The following AIPL1 variants were observed in gnomAD, a reference collection of about 807,000 sequenced individuals.
AIPL1 encodes aryl-hydrocarbon-interacting protein-like 1.
AIPL1 carries 23 observed loss-of-function variants against 32.9 expected under a neutral mutation model. The observed-to-expected ratio is 0.70, with a 90% CI of 0.50 to 0.99. The LOEUF (loss-of-function observed/expected upper bound fraction) is 0.99. AIPL1 is among the 50% of genes least tolerant of loss of function. The pLI is 0.00. For synonymous variants in AIPL1, 210 were observed against 209.4 expected, an observed-to-expected ratio of 1.00 and a Z score of -0.02; for missense variants, 485 against 506.0, an observed-to-expected ratio of 0.96 and a Z score of 0.40.
At position 6,426,599 on chromosome 17, in the gene AIPL1, C is replaced by A; in HGVS notation, c.784+16G>T. The A allele has an allele frequency of 6.2e-7, 1 of 1,612,406 alleles. No individual in the cohort carries two copies. On this transcript the variant is annotated intron_variant, in intron 5 of 5. Coordinates refer to ENST00000381129, the MANE Select transcript of AIPL1 (RefSeq NM_014336.5). ...CTGGGCGCCCCCTCACTGTCCGCCC[C>A]TGCAGCCCCGCGCACCTGGGTGGTG...
At chr17:6,433,607 T>A (rs1912829342) in intron 2 of AIPL1, among the ~76,000 whole-genome samples, 1 of 128,816 alleles carries the variant, frequency 7.8e-6, no homozygotes, top group Non-Finnish European at 1.6e-5. Flanking sequence ...TCTCTCTCTC[T>A]CTCTCACACA....
At chr17:6,431,039 G>A (rs1299391307) in intron 2 of AIPL1, among the ~76,000 whole-genome samples, 1 of 152,174 alleles carries the variant, frequency 6.6e-6, no homozygotes, top group African/African-American at 2.4e-5. Flanking sequence ...AGGATGAAGA[G>A]GGAACCAGGC....
intron 2 of AIPL1, among the ~76,000 whole-genome samples, chr17:6,430,142 G>A (rs74812306): frequency 9.9e-5 from 15 of 151,854 alleles, no homozygotes; most frequent in East Asian, 1.9e-4. Context: ...GGAGATGTGC[G>A]GGGCATGGAG....
chr17:6,429,800 ATAGGTAGG>A (rs35892779), intron 2 of AIPL1, among the ~76,000 whole-genome samples: 10,003 of 148,786 alleles, frequency 0.067, 391 homozygotes, highest in Middle Eastern at 0.087. Context: ...TTCTAACTAG[ATAGGTAGG>A]TAGGTAGGTA....
chr17:6,425,577 T>A lies in AIPL1; in HGVS notation c.1038A>T (p.Ser346=), dbSNP rs1195317509. The part of the protein sequence containing the change: ...AEPPTEPPAQ[S]STEPPAEPPT... Reference sequence around the variant, plus strand: ...GTGGCTCTGCAGGTGGCTCTGTGGATGACTGTGCGGGTGGCTCTGTGGGTG... The same window carrying A: ...GTGGCTCTGCAGGTGGCTCTGTGGAAGACTGTGCGGGTGGCTCTGTGGGTG... Residue 346 remains serine, a synonymous_variant, in exon 6 of 6, where the codon TCA becomes TCT. Coordinates refer to ENST00000381129, the MANE Select transcript of AIPL1 (RefSeq NM_014336.5). 4 of 1,613,048 alleles carry A rather than the reference T, an allele frequency of 2.5e-6. No individual in the cohort carries two copies. The highest frequency in any genetic ancestry group is 2.5e-6 in the Non-Finnish European group (3 of 1,179,702).
In AIPL1 at chr17:6,425,715, C is replaced by T. The variant is rs373590751; in HGVS notation, c.900G>A (p.Ala300=). ...VLELEPSMQK[A]VRRELRLLEN... The stretch of plus-strand genomic sequence containing the variant: ...CCAGCAGCCTCAGCTCCCTGCGCAC[C>T]GCCTTCTGCATGGACGGCTCCAGCT... Residue 300 remains alanine (A), a synonymous_variant, in exon 6 of 6, where the codon GCG becomes GCA. Coordinates refer to ENST00000381129, the MANE Select transcript of AIPL1 (RefSeq NM_014336.5). 8 of 1,607,852 alleles carry T rather than the reference C, an allele frequency of 5.0e-6. No homozygotes were observed. The highest frequency in any genetic ancestry group is 6.8e-6 in the Non-Finnish European group (8 of 1,180,016).
chr17:6,430,080 TGTGTG>T (rs1290854609), intron 2 of AIPL1, among the ~76,000 whole-genome samples: 3 of 134,400 alleles, frequency 2.2e-5, no homozygotes, highest in Non-Finnish European at 3.4e-5. Context: ...TGTGTGTGTG[TGTGTG>T]TGCATGCGTA....
chr17:6,434,827 G>T (rs1913012099), intron 1 of AIPL1, 182 bp downstream of exon 1: 4 of 1,122,096 alleles, frequency 3.6e-6, no homozygotes, highest in East Asian at 2.6e-5. Flanking sequence ...AGTTGAATCT[G>T]CAAAGTACCA....
At chr17:6,434,243 C>T (rs1244025701) in intron 1 of AIPL1, 145 bp from the exon 2 acceptor site, 2 of 924,230 alleles carry the variant, frequency 2.2e-6, no homozygotes, top group Non-Finnish European at 3.4e-6. Context: ...CCTGGAGCAC[C>T]TCCACCCTGC....
chr17:6,427,300 C>T (rs960135541), intron 3 of AIPL1, among the ~76,000 whole-genome samples: 11 of 152,316 alleles, frequency 7.2e-5, no homozygotes, highest in Non-Finnish European at 1.0e-4. Flanking sequence ...AAAATTGTCA[C>T]GAATACTCGT....
At chr17:6,434,228 A>T (rs1015766681) in intron 1 of AIPL1, 130 bp from the exon 2 acceptor site, 3 of 1,043,500 alleles carry the variant, frequency 2.9e-6, no homozygotes, top group Non-Finnish European at 4.3e-6. Context: ...CAGATGCCTC[A>T]GACCCCTGGA....
Position 6,428,353 on chromosome 17 carries a change from G to A in AIPL1, c.430C>T (p.Pro144Ser). 1.2e-6 allele frequency: 2 copies of A among 1,611,260 alleles called. No individual in the cohort carries two copies. Among genetic ancestry groups the A allele is most frequent in the Non-Finnish European group, 1.7e-6 (2 of 1,180,038 alleles). The change falls in exon 3 of 6, where the codon CCT (proline) becomes TCT (serine). Residue 144 changes from proline to serine, a missense_variant. Pro to Ser is a moderately conservative substitution (Grantham distance 74). Coordinates refer to ENST00000381129, the MANE Select transcript of AIPL1 (RefSeq NM_014336.5). Reference protein sequence around the residue: ...YEDLDELQKEPQPLVFVIELL... With the variant: ...YEDLDELQKESQPLVFVIELL... ...TCGATCACAAAGACCAGAGGCTGAG[G>A]CTCCTTCTGCAGCTCGTCCAGGTCC...
intron 2 of AIPL1, among the ~76,000 whole-genome samples, chr17:6,431,833 C>A (rs1183710911): frequency 6.6e-6 from 1 of 152,140 alleles, no homozygotes; most frequent in Non-Finnish European, 1.5e-5. Flanking sequence ...AAAGAGACAA[C>A]CAAGTGTGAT....
intron 2 of AIPL1, among the ~76,000 whole-genome samples, chr17:6,433,069 A>G (rs549458756): frequency 6.6e-6 from 1 of 152,204 alleles, no homozygotes; most frequent in Non-Finnish European, 1.5e-5. Flanking sequence ...AGGTACTCGT[A>G]AGTTCATTAT....
intron 2 of AIPL1, among the ~76,000 whole-genome samples, chr17:6,428,719 C>T (rs1285420155): frequency 2.6e-5 from 4 of 152,344 alleles, no homozygotes; most frequent in South Asian, 4.1e-4. Flanking sequence ...GCACTATTAT[C>T]CCCATTTTAC....
chr17:6,426,315 T>C (rs906211345), intron 5 of AIPL1: 6 of 1,372,942 alleles, frequency 4.4e-6, no homozygotes, highest in Non-Finnish European at 4.7e-6. Context: ...ATAATATTTT[T>C]CCCTATATTG....
rs751231254 is a variant in AIPL1, at chr17:6,428,456, C to G, written c.327G>C (p.Gln109His). 1.2e-6 allele frequency: 2 copies of G among 1,613,908 alleles called. No homozygotes were observed. Among genetic ancestry groups the G allele is most frequent in the African/African-American group, 1.3e-5 (1 of 74,956 alleles). The change falls in exon 3 of 6, where the codon CAG (glutamine) becomes CAC (histidine). Residue 109 changes from glutamine (Q) to histidine (H), a missense_variant. Transcript: ENST00000381129. Reference protein sequence around the residue: ...ILSRSLRQMAQGKDPTEWHVH... With the variant: ...ILSRSLRQMAHGKDPTEWHVH... ...CGTGCCACTCTGTGGGGTCCTTGCC[C>G]TGGGCCATCTGCCTCAGGCTCCGGG...
At chr17:6,434,887 G>T (rs890041378) in intron 1 of AIPL1, 122 bp downstream of exon 1, 12 of 1,528,696 alleles carry the variant, frequency 7.8e-6, no homozygotes, top group Non-Finnish European at 1.1e-5. Context: ...GAGGCCCAGC[G>T]CTGGGGCTGC....
intron 5 of AIPL1, chr17:6,426,111 C>T: frequency 7.6e-7 from 1 of 1,310,014 alleles, no homozygotes; most frequent in Non-Finnish European, 9.9e-7. Context: ...ACCTTCAGGC[C>T]CTTTCCCTGC....
Sources: allele counts gnomAD v4.1 joint callset (sites outside exome capture counted in the v4.1 genomes callset), GRCh38; gene constraint gnomAD v4.1.1; transcripts MANE v1.5; gene names NCBI Gene and HGNC (gene_info 2026-07-23, HGNC 2026-07-21).